The following TUSC3 variants were observed in gnomAD, a reference collection of about 807,000 sequenced individuals.
The protein encoded by TUSC3 is dolichyl-diphosphooligosaccharide--protein glycosyltransferase subunit TUSC3.
Under a neutral mutation model 44.8 loss-of-function variants are expected in TUSC3, and 45 were observed. The ratio of observed to expected loss-of-function variants is 1.00; its 90% CI spans 0.79 to 1.29. The LOEUF is 1.29. Ranked by LOEUF, TUSC3 falls within the 50% of genes most tolerant of loss-of-function variation. The pLI, the probability that TUSC3 is intolerant of heterozygous loss-of-function variation, is 0.00. For synonymous variants in TUSC3, 212 were observed against 152.9 expected (o/e 1.39, Z -2.85); for missense variants, 519 against 437.9 (o/e 1.19, Z -1.65).
At position 15,748,362 on chromosome 8, in the gene TUSC3, T is replaced by C; in HGVS notation, c.938-13T>C. On this transcript the variant is annotated splice_polypyrimidine_tract_variant and intron_variant, in intron 8 of 10. Coordinates refer to ENST00000503731, the MANE Select transcript of TUSC3 (RefSeq NM_006765.4). ...ATTTTTAGACACTAATGGTATTTTC[T>C]GTCTGTTTCTAGTAATTTGCCTAGT... is the stretch of plus-strand genomic sequence containing the variant. 1 of 1,598,886 alleles carries C rather than the reference T, an allele frequency of 6.3e-7. No homozygotes were observed.
the TUSC3 span, among the ~76,000 whole-genome samples, chr8:15,794,394 A>C: frequency 2.6e-5 from 4 of 152,300 alleles, no homozygotes; most frequent in East Asian, 7.7e-4. Flanking sequence ...TACATACAAA[A>C]TTGATGATTC....
chr8:15,482,787 GA>G (rs2129124655), intron 1 of TUSC3, among the ~76,000 whole-genome samples: 1 of 152,268 alleles, frequency 6.6e-6, no homozygotes, highest in South Asian at 2.1e-4. Flanking sequence ...CTATGAATGG[GA>G]AAAAATAGGA....
At chr8:15,819,280 T>C in the TUSC3 span, among the ~76,000 whole-genome samples, 20,877 of 152,158 alleles carry the variant, frequency 0.14, 1,571 homozygotes, top group East Asian at 0.25. Flanking sequence ...CCATTTAACA[T>C]ATTTGTTACT....
At chr8:15,492,622 C>G (rs1267867598) in intron 2 of TUSC3, among the ~76,000 whole-genome samples, 1 of 151,874 alleles carries the variant, frequency 6.6e-6, no homozygotes, top group Admixed American at 6.6e-5. Context: ...ACTTCAGACA[C>G]AAATTAAATA....
intron 9 of TUSC3, among the ~76,000 whole-genome samples, chr8:15,753,223 T>C (rs981223723): frequency 6.6e-6 from 1 of 152,046 alleles, no homozygotes; most frequent in Admixed American, 6.6e-5. Flanking sequence ...TACTGTCCAA[T>C]TTAAAAAATC....
chr8:15,469,587 C>T (rs1047845680), intron 1 of TUSC3, among the ~76,000 whole-genome samples: 2 of 152,160 alleles, frequency 1.3e-5, no homozygotes, highest in South Asian at 4.1e-4. Flanking sequence ...AACTGTTTGG[C>T]AGTTTCTTTT....
chr8:15,550,595 G>A (rs1018191313), intron 1 of TUSC3, among the ~76,000 whole-genome samples: 3 of 151,202 alleles, frequency 2.0e-5, no homozygotes, highest in Non-Finnish European at 3.0e-5. Context: ...CTGTCCTTTC[G>A]CCACTTTCAT....
chr8:15,617,767 A>T (rs141277630), intron 1 of TUSC3, among the ~76,000 whole-genome samples: 3 of 152,190 alleles, frequency 2.0e-5, no homozygotes, highest in Non-Finnish European at 4.4e-5. Flanking sequence ...TTCAGTTGTT[A>T]AAGTTTGGTT....
the TUSC3 span, among the ~76,000 whole-genome samples, chr8:15,787,508 A>C: frequency 2.6e-5 from 4 of 152,168 alleles, no homozygotes; most frequent in Non-Finnish European, 4.4e-5. Flanking sequence ...AAAATATATT[A>C]TTTGAGGGAT....
At chr8:15,809,333 T>A in the TUSC3 span, among the ~76,000 whole-genome samples, 1 of 152,204 alleles carries the variant, frequency 6.6e-6, no homozygotes, top group Non-Finnish European at 1.5e-5. Flanking sequence ...TCTGAAAAAC[T>A]ACATGATTGC....
At chr8:15,528,060 G>A (rs1247166592) in intron 2 of TUSC3, among the ~76,000 whole-genome samples, 3 of 152,098 alleles carry the variant, frequency 2.0e-5, no homozygotes, top group Non-Finnish European at 4.4e-5. Context: ...CCCTGAAATA[G>A]ATGATGAACT....
At chr8:15,690,238 G>C (rs1452232469) in intron 6 of TUSC3, among the ~76,000 whole-genome samples, 2 of 152,038 alleles carry the variant, frequency 1.3e-5, no homozygotes, top group Non-Finnish European at 2.9e-5. Context: ...TTGTGGTTTT[G>C]ATTTGCATTT....
intron 6 of TUSC3, among the ~76,000 whole-genome samples, chr8:15,710,165 G>T (rs1326062589): frequency 6.6e-6 from 1 of 151,592 alleles, no homozygotes; most frequent in Non-Finnish European, 1.5e-5. Context: ...TTGTCTGGAG[G>T]CTAGAATCAT....
At chr8:15,830,146 GT>G in the TUSC3 span, among the ~76,000 whole-genome samples, 16,005 of 148,976 alleles carry the variant, frequency 0.11, 949 homozygotes, top group East Asian at 0.26. Context: ...AGGTTGTTAG[GT>G]TTTTTTTTTC....
intron 6 of TUSC3, among the ~76,000 whole-genome samples, chr8:15,707,046 A>G (rs1809647656): frequency 6.6e-6 from 1 of 151,924 alleles, no homozygotes; most frequent in South Asian, 2.1e-4. Context: ...TTTTTACCTG[A>G]CTGCTTTTTT....
Position 15,519,292 on chromosome 8 carries a change from T to A in TUSC3, n.189+35809T>A, listed in dbSNP as rs145395836. ...TACTAAAGTTGTAAAGACATTTATA[T>A]CTTTTTATATTAATCCCAGAAGTAT... is the stretch of plus-strand genomic sequence containing the variant. On this transcript the variant is annotated intron_variant and non_coding_transcript_variant, in intron 2 of 5. Coordinates refer to the TUSC3 transcript ENST00000503191. 3.6e-3 allele frequency among the ~76,000 whole-genome samples: 547 copies of A among 152,332 alleles called. 2 individuals are homozygous for A. Among genetic ancestry groups the A allele is most frequent in the African/African-American group, 0.012 (491 of 41,582 alleles).
intron 1 of TUSC3, among the ~76,000 whole-genome samples, chr8:15,558,978 A>G (rs1802364424): frequency 6.7e-6 from 1 of 149,798 alleles, no homozygotes; most frequent in Non-Finnish European, 1.5e-5. Flanking sequence ...AATTTTTTGA[A>G]GGGTTTTTTG....
intron 8 of TUSC3, among the ~76,000 whole-genome samples, chr8:15,744,012 GT>G (rs1320747373): frequency 2.0e-5 from 3 of 152,182 alleles, no homozygotes; most frequent in Non-Finnish European, 4.4e-5. Context: ...CGCTCAAAGC[GT>G]GACTTAGATG....
At chr8:15,688,122 C>T (rs1414243313) in intron 6 of TUSC3, among the ~76,000 whole-genome samples, 1 of 151,734 alleles carries the variant, frequency 6.6e-6, no homozygotes, top group Non-Finnish European at 1.5e-5. Context: ...TTGTGTAGTA[C>T]ATTGGAAAGA....
Sources: allele counts gnomAD v4.1 joint callset (sites outside exome capture counted in the v4.1 genomes callset), GRCh38; gene constraint gnomAD v4.1.1; transcripts MANE v1.5; gene names NCBI Gene and HGNC (gene_info 2026-07-23, HGNC 2026-07-21).